SAMTOR: variants seen among roughly 807,000 people sequenced by gnomAD.
SAMTOR encodes the protein UPF0532 protein C7orf60.
chr7:112,884,062 G>A, the SAMTOR span, among the ~76,000 whole-genome samples: 1 of 152,164 alleles, frequency 6.6e-6, no homozygotes, highest in Non-Finnish European at 1.5e-5. Flanking sequence ...GAAGTGCAGA[G>A]CAAGGAGTTT....
the SAMTOR span, among the ~76,000 whole-genome samples, chr7:112,869,928 C>T: frequency 6.6e-6 from 1 of 152,080 alleles, no homozygotes; most frequent in Non-Finnish European, 1.5e-5. Flanking sequence ...AGTTGGAAGC[C>T]TTAACAGACT....
the SAMTOR span, among the ~76,000 whole-genome samples, chr7:112,890,823 TAGG>T: frequency 6.6e-6 from 1 of 152,000 alleles, no homozygotes; most frequent in South Asian, 2.1e-4. Context: ...CCCGAGTAGC[TAGG>T]ACCACAGGCA....
chr7:112,851,403 C>T, the SAMTOR span, among the ~76,000 whole-genome samples: 2 of 152,054 alleles, frequency 1.3e-5, no homozygotes, highest in African/African-American at 2.4e-5. Context: ...ATACCTACAA[C>T]CAACTGATGT....
At chr7:112,902,413 T>G in the SAMTOR span, among the ~76,000 whole-genome samples, 1 of 31,026 alleles carries the variant, frequency 3.2e-5, no homozygotes, top group Non-Finnish European at 5.9e-5. Flanking sequence ...CAAAACTCCG[T>G]CTCAAAAAAA....
At chr7:112,924,528 T>A in the SAMTOR span, among the ~76,000 whole-genome samples, 1 of 152,120 alleles carries the variant, frequency 6.6e-6, no homozygotes, top group East Asian at 1.9e-4. Flanking sequence ...TGACTATATA[T>A]CAGTCTGAGT....
At chr7:112,846,671 T>G in the SAMTOR span, among the ~76,000 whole-genome samples, 1 of 152,314 alleles carries the variant, frequency 6.6e-6, no homozygotes, top group African/African-American at 2.4e-5. Flanking sequence ...GAACCTACGG[T>G]GATGAGCTAA....
At chr7:112,912,460 A>G in the SAMTOR span, among the ~76,000 whole-genome samples, 2 of 152,102 alleles carry the variant, frequency 1.3e-5, no homozygotes, top group African/African-American at 4.8e-5. Flanking sequence ...AGTTTTAAGT[A>G]TAACAAGAAG....
the SAMTOR span, among the ~76,000 whole-genome samples, chr7:112,870,857 A>C: frequency 6.6e-6 from 1 of 152,070 alleles, no homozygotes; most frequent in Non-Finnish European, 1.5e-5. Context: ...GCATAAATGG[A>C]ATATAAAAAA....
At chr7:112,894,891 G>C in the SAMTOR span, among the ~76,000 whole-genome samples, 2 of 152,202 alleles carry the variant, frequency 1.3e-5, no homozygotes, top group East Asian at 3.9e-4. Context: ...CCTTCAATTT[G>C]TAAAAAATGT....
chr7:112,926,296 T>C, the SAMTOR span, among the ~76,000 whole-genome samples: 2 of 152,210 alleles, frequency 1.3e-5, no homozygotes, highest in African/African-American at 4.8e-5. Flanking sequence ...CATGTCACTA[T>C]ATACTTTGAA....
chr7:112,836,173 A>G, the SAMTOR span, among the ~76,000 whole-genome samples: 2 of 152,098 alleles, frequency 1.3e-5, no homozygotes, highest in Non-Finnish European at 2.9e-5. Context: ...TTTTAATAAT[A>G]GCCATTCTGA....
At chr7:112,823,086 C>T in the SAMTOR span, among the ~76,000 whole-genome samples, 19 of 152,100 alleles carry the variant, frequency 1.2e-4, no homozygotes, top group African/African-American at 4.6e-4. Context: ...CTATCATATA[C>T]CAATAGTTAT....
chr7:112,876,088 G>A, the SAMTOR span, among the ~76,000 whole-genome samples: 146,618 of 152,184 alleles, frequency 0.96, 70,719 homozygotes, highest in East Asian at 1. Flanking sequence ...AGCGTCCCAA[G>A]TAACTGGGAC....
the SAMTOR span, among the ~76,000 whole-genome samples, chr7:112,855,487 A>C: frequency 6.6e-6 from 1 of 152,152 alleles, no homozygotes; most frequent in African/African-American, 2.4e-5. Context: ...AATCTATTTC[A>C]AGCCTCATTC....
chr7:112,918,097 C>T, the SAMTOR span, among the ~76,000 whole-genome samples: 67 of 152,180 alleles, frequency 4.4e-4, no homozygotes, highest in Admixed American at 2.7e-3. Flanking sequence ...ATACAGAGAA[C>T]GCCACAAAGA....
the SAMTOR span, among the ~76,000 whole-genome samples, chr7:112,923,795 A>G: frequency 2.0e-5 from 3 of 152,130 alleles, no homozygotes; most frequent in South Asian, 2.1e-4. Context: ...AACCAACCCA[A>G]ATGTCCAACA....
the SAMTOR span, among the ~76,000 whole-genome samples, chr7:112,888,949 T>C: frequency 6.6e-6 from 1 of 152,224 alleles, no homozygotes; most frequent in African/African-American, 2.4e-5. Flanking sequence ...CGGATCATTT[T>C]ATATTTAGAC....
the SAMTOR span, among the ~76,000 whole-genome samples, chr7:112,858,154 G>A: frequency 2.0e-5 from 3 of 151,978 alleles, no homozygotes; most frequent in East Asian, 1.9e-4. Context: ...TGTGTGGTGT[G>A]GAGTCTGAAT....
At chr7:112,920,770 A>G in the SAMTOR span, among the ~76,000 whole-genome samples, 1 of 151,444 alleles carries the variant, frequency 6.6e-6, no homozygotes, top group African/African-American at 2.4e-5. Flanking sequence ...TACAAAATCA[A>G]TGTACAAAAA....
Sources: allele counts gnomAD v4.1 joint callset (sites outside exome capture counted in the v4.1 genomes callset), GRCh38; gene constraint gnomAD v4.1.1; transcripts MANE v1.5; gene names NCBI Gene and HGNC (gene_info 2026-07-23, HGNC 2026-07-21).